The following PPP1R42 variants were observed in gnomAD, a reference collection of about 807,000 sequenced individuals.
PPP1R42 encodes leucine rich repeat containing 67.
In PPP1R42, 34 loss-of-function variants were observed where a neutral mutation model predicts 31.0. The observed-to-expected ratio is 1.10, with a 90% CI of 0.83 to 1.46. The LOEUF is 1.46. Among genes scored for constraint, PPP1R42 ranks in the 40% most tolerant of loss-of-function variants. PPP1R42 has a pLI of 0.00. For synonymous variants in PPP1R42, 103 were observed against 109.8 expected (o/e 0.94, Z 0.39); for missense variants, 268 against 303.0 (o/e 0.88, Z 0.86).
chr8:67,013,894 C>T (rs544590594), intron 3 of PPP1R42, among the ~76,000 whole-genome samples: 10 of 152,318 alleles, frequency 6.6e-5, no homozygotes, highest in African/African-American at 2.4e-4. Flanking sequence ...ATGATAGTTA[C>T]TCCAGTCTGG....
chr8:67,022,715 T>A (rs191252975), intron 1 of PPP1R42, among the ~76,000 whole-genome samples: 2 of 152,268 alleles, frequency 1.3e-5, no homozygotes, highest in African/African-American at 4.8e-5. Flanking sequence ...AGATATTCAA[T>A]ATTTTTTTCC....
intron 5 of PPP1R42, among the ~76,000 whole-genome samples, chr8:66,998,431 A>G (rs961102521): frequency 9.9e-5 from 15 of 152,222 alleles, no homozygotes; most frequent in Admixed American, 9.2e-4. Context: ...AATACACTCC[A>G]TAAGTTCTAA....
At chr8:67,016,016 G>C (rs1177520299) in intron 2 of PPP1R42, among the ~76,000 whole-genome samples, 1 of 152,182 alleles carries the variant, frequency 6.6e-6, no homozygotes, top group Non-Finnish European at 1.5e-5. Context: ...GTATGAAATA[G>C]GGGCTTTACT....
At chr8:67,020,760 T>G (rs1816189240) in intron 1 of PPP1R42, among the ~76,000 whole-genome samples, 1 of 152,248 alleles carries the variant, frequency 6.6e-6, no homozygotes, top group Admixed American at 6.5e-5. Flanking sequence ...TTATCTTAAC[T>G]GTATCACCAG....
chr8:66,984,113 G>T, intron 6 of PPP1R42: 1 of 1,579,910 alleles, frequency 6.3e-7, no homozygotes, highest in South Asian at 1.1e-5. Flanking sequence ...AGAGGGGAGA[G>T]GCAAGGGCTT....
At chr8:66,971,772 A>G (rs759020054) in intron 7 of PPP1R42, among the ~76,000 whole-genome samples, 42 of 152,386 alleles carry the variant, frequency 2.8e-4, no homozygotes, top group Non-Finnish European at 5.0e-4. Flanking sequence ...TTATATAGCT[A>G]TATGGCTATA....
chr8:67,012,529 T>C (rs1815874099), intron 4 of PPP1R42, among the ~76,000 whole-genome samples: 1 of 152,310 alleles, frequency 6.6e-6, no homozygotes, highest in Non-Finnish European at 1.5e-5. Flanking sequence ...ATCAGGATCC[T>C]AGGAGAAAAC....
intron 7 of PPP1R42, among the ~76,000 whole-genome samples, chr8:66,979,469 G>A (rs912994747): frequency 6.6e-6 from 1 of 152,266 alleles, no homozygotes; most frequent in African/African-American, 2.4e-5. Context: ...CTGGGAGATC[G>A]AGGCTGTAGT....
At chr8:66,970,657 G>C (rs915618596) in intron 7 of PPP1R42, among the ~76,000 whole-genome samples, 4 of 152,124 alleles carry the variant, frequency 2.6e-5, no homozygotes, top group Non-Finnish European at 5.9e-5. Flanking sequence ...TAGGCCTCAG[G>C]CTCCTTTGAC....
chr8:67,019,918 C>CA (rs1261595894), intron 1 of PPP1R42, among the ~76,000 whole-genome samples: 1 of 151,176 alleles, frequency 6.6e-6, no homozygotes, highest in Non-Finnish European at 1.5e-5. Flanking sequence ...AACAAACAAA[C>CA]AAAAAAACTA....
At chr8:66,981,151 A>G (rs1460007766) in intron 7 of PPP1R42, among the ~76,000 whole-genome samples, 2 of 151,292 alleles carry the variant, frequency 1.3e-5, no homozygotes, top group Non-Finnish European at 3.0e-5. Context: ...CAGACTAGTC[A>G]GTTCTTGGAT....
At chr8:67,022,831 T>C (rs1414798654) in intron 1 of PPP1R42, among the ~76,000 whole-genome samples, 1 of 152,184 alleles carries the variant, frequency 6.6e-6, no homozygotes, top group African/African-American at 2.4e-5. Flanking sequence ...TCTTAATTAG[T>C]ATAGATTAAT....
intron 1 of PPP1R42, among the ~76,000 whole-genome samples, chr8:67,022,873 C>G (rs1816266408): frequency 6.6e-6 from 1 of 152,076 alleles, no homozygotes; most frequent in East Asian, 1.9e-4. Flanking sequence ...TATTCTTGGT[C>G]CTTGACTCTT....
At chr8:66,997,304 T>C (rs2130942653) in intron 5 of PPP1R42, among the ~76,000 whole-genome samples, 1 of 152,244 alleles carries the variant, frequency 6.6e-6, no homozygotes, top group South Asian at 2.1e-4. Flanking sequence ...TTTTATTTTA[T>C]TTATTTTATT....
chr8:66,984,235 T>TTCCCCCAGTATGGTGCACATTCAG, intron 6 of PPP1R42: 2 of 1,502,754 alleles, frequency 1.3e-6, no homozygotes, highest in Non-Finnish European at 1.8e-6. Flanking sequence ...TATAGGACAC[T>TTCCCCCAGTATGGTGCACATTCAG]GTTTAAACTT....
At chr8:67,003,466 C>G (rs1418581625) in intron 5 of PPP1R42, among the ~76,000 whole-genome samples, 5 of 149,130 alleles carry the variant, frequency 3.4e-5, no homozygotes, top group African/African-American at 1.2e-4. Context: ...CTGTTCCTCT[C>G]CCTGCACTGT....
intron 7 of PPP1R42, 149 bp downstream of exon 7, chr8:66,981,900 C>T: frequency 1.3e-6 from 1 of 776,046 alleles, no homozygotes. Flanking sequence ...TACTTATGTA[C>T]AACTAAGTAA....
chr8:66,969,954 C>G (rs1243128739), intron 7 of PPP1R42, among the ~76,000 whole-genome samples: 1 of 152,050 alleles, frequency 6.6e-6, no homozygotes, highest in East Asian at 1.9e-4. Context: ...TTTTTAAAGC[C>G]CATAGCATTT....
intron 1 of PPP1R42, among the ~76,000 whole-genome samples, chr8:67,020,470 G>A (rs991769521): frequency 2.6e-5 from 4 of 152,166 alleles, no homozygotes; most frequent in Non-Finnish European, 5.9e-5. Flanking sequence ...TAAAGTGCCG[G>A]GAGTACAGGC....
Sources: allele counts gnomAD v4.1 joint callset (sites outside exome capture counted in the v4.1 genomes callset), GRCh38; gene constraint gnomAD v4.1.1; transcripts MANE v1.5; gene names NCBI Gene and HGNC (gene_info 2026-07-23, HGNC 2026-07-21).